Variants in CCL18 observed in about 807,000 individuals in gnomAD.
CCL18 encodes the protein C-C motif chemokine 18.
CCL18 carries 7 observed loss-of-function variants against 8.0 expected under a neutral mutation model. That is an observed-to-expected ratio of 0.87 (90% confidence interval 0.50 to 1.64). The LOEUF is 1.64. Ranked by LOEUF, CCL18 falls within the 40% of genes most tolerant of loss-of-function variation. The probability of loss-of-function intolerance (pLI) is 0.00; values close to 1 mark genes in which losing one functional copy is unlikely to be tolerated. For synonymous variants in CCL18, 35 were observed against 41.3 expected, an observed-to-expected ratio of 0.85 and a Z score of 0.59; for missense variants, 95 against 107.8, an observed-to-expected ratio of 0.88 and a Z score of 0.52.
At chr17:36,070,894 C>T (rs1031968367) in intron 2 of CCL18, 57 bp from the exon 3 acceptor site, 20 of 1,265,550 alleles carry the variant, frequency 1.6e-5, no homozygotes, top group Non-Finnish European at 2.3e-5. Flanking sequence ...GACGCAGGGG[C>T]CACAGGATTC....
intron 2 of CCL18, 116 bp from the exon 3 acceptor site, chr17:36,070,835 A>G: frequency 2.4e-6 from 2 of 835,218 alleles, no homozygotes; most frequent in East Asian, 4.9e-5. Flanking sequence ...AGTTAAGGGG[A>G]AATTTTACGG....
In CCL18 at chr17:36,070,934, T is replaced by A; in HGVS notation, c.180-17T>A. On this transcript the variant is annotated splice_polypyrimidine_tract_variant and intron_variant, in intron 2 of 2. Coordinates refer to ENST00000616054, the MANE Select transcript of CCL18 (RefSeq NM_002988.4). ...GATGAATTCGTCAGTTCTTAACTCT[T>A]CCTCCCTTCTCCACAGCCTCCTAAC... 2 of 1,586,854 alleles carry A rather than the reference T, an allele frequency of 1.3e-6. No individual in the cohort carries two copies.
intron 1 of CCL18, among the ~76,000 whole-genome samples, chr17:36,067,953 A>G (rs1025034570): frequency 6.6e-6 from 1 of 152,206 alleles, no homozygotes; most frequent in Admixed American, 6.5e-5. Flanking sequence ...AGATATGCAA[A>G]TACTTAACAT....
intron 1 of CCL18, among the ~76,000 whole-genome samples, chr17:36,068,329 T>TAA (rs397857006): frequency 6.8e-6 from 1 of 146,910 alleles, no homozygotes; most frequent in Non-Finnish European, 1.5e-5. Flanking sequence ...AACTGTTTTT[T>TAA]AAAAAAAAAA....
intron 1 of CCL18, among the ~76,000 whole-genome samples, chr17:36,066,673 G>T (rs1428955622): frequency 1.3e-5 from 2 of 152,228 alleles, no homozygotes; most frequent in Admixed American, 1.3e-4. Flanking sequence ...TAGTGTTGAA[G>T]TCATACGTAC....
At position 36,071,099 on chromosome 17, in the gene CCL18, C is replaced by T. The variant is rs1439430489; in HGVS notation, c.*58C>T. On this transcript the variant is annotated 3_prime_UTR_variant, in exon 3 of 3. Transcript: ENST00000616054. ...TGGTGGGCCCAGGAGGGAACAGGAGCCTGAGCCAGGGCAATGGCCCTGCCA... is the reference window on the plus strand; with the variant it reads ...TGGTGGGCCCAGGAGGGAACAGGAGTCTGAGCCAGGGCAATGGCCCTGCCA... 3.2e-6 allele frequency: 4 copies of T among 1,269,720 alleles called. No homozygotes were observed. Among genetic ancestry groups the T allele is most frequent in the Middle Eastern group, 1.9e-4 (1 of 5,196 alleles). The allele number at this position is 1,269,720 out of a possible 1,614,324, so 78.7% of individuals were successfully genotyped here. A position where few individuals can be genotyped will look rare whatever the true frequency, so the allele number is the denominator to read the frequency against.
At chr17:36,065,310 T>C (rs1422153782) in intron 1 of CCL18, among the ~76,000 whole-genome samples, 2 of 152,258 alleles carry the variant, frequency 1.3e-5, no homozygotes, top group Non-Finnish European at 2.9e-5. Flanking sequence ...AAAGGAATCC[T>C]CTTAGTATTT....
chr17:36,067,896 T>G (rs1164186824), intron 1 of CCL18, among the ~76,000 whole-genome samples: 1 of 152,220 alleles, frequency 6.6e-6, no homozygotes, highest in East Asian at 1.9e-4. Flanking sequence ...CCCATAAGAT[T>G]ATAATTCTGT....
In CCL18 at chr17:36,071,178, C is replaced by A. The variant is rs2066864734; in HGVS notation, c.*137C>A. ...CATCTGCTATGCCCAGCCACATTAA[C>A]TAACTTTAATCTTAGTTTATGCATC... On this transcript the variant is annotated 3_prime_UTR_variant, in exon 3 of 3. Coordinates refer to ENST00000616054, the MANE Select transcript of CCL18 (RefSeq NM_002988.4). 1.7e-6 allele frequency: 1 copy of A among 591,726 alleles called. No homozygotes were observed. The allele number at this position is 591,726 out of a possible 1,614,324, so 36.7% of individuals were successfully genotyped here. A position where few individuals can be genotyped will look rare whatever the true frequency, so the allele number is the denominator to read the frequency against.
intron 2 of CCL18, 42 bp from the exon 3 acceptor site, chr17:36,070,909 G>C: frequency 7.1e-7 from 1 of 1,410,692 alleles, no homozygotes; most frequent in South Asian, 1.1e-5. Flanking sequence ...GGATTCCCCT[G>C]ATGAATTCGT....
chr17:36,071,506 A>G lies in CCL18; in HGVS notation c.*465A>G, dbSNP rs552429596. 6.5e-6 allele frequency: 1 copy of G among 154,770 alleles called. No individual in the cohort carries two copies. Among genetic ancestry groups the G allele is most frequent in the Non-Finnish European group, 1.4e-5 (1 of 69,570 alleles). The allele number at this position is 154,770 out of a possible 1,614,324, so 9.6% of individuals were successfully genotyped here. A position where few individuals can be genotyped will look rare whatever the true frequency, so the allele number is the denominator to read the frequency against. Reference sequence around the variant, plus strand: ...ACGACTCTGTTGATTTTGTTTCACTAATCGGAATCACAGACTGAGAGGAAT... The same window carrying G: ...ACGACTCTGTTGATTTTGTTTCACTGATCGGAATCACAGACTGAGAGGAAT... On this transcript the variant is annotated 3_prime_UTR_variant, in exon 3 of 3. Coordinates refer to ENST00000616054, the MANE Select transcript of CCL18 (RefSeq NM_002988.4).
At chr17:36,070,904 C>T (rs748011635) in intron 2 of CCL18, 47 bp from the exon 3 acceptor site, 4 of 1,356,654 alleles carry the variant, frequency 2.9e-6, no homozygotes, top group East Asian at 4.6e-5. Context: ...CCACAGGATT[C>T]CCCTGATGAA....
intron 1 of CCL18, among the ~76,000 whole-genome samples, chr17:36,065,375 T>G (rs766112293): frequency 6.6e-6 from 1 of 152,140 alleles, no homozygotes; most frequent in Admixed American, 6.6e-5. Flanking sequence ...TGCTTGGAAA[T>G]GTCTTCATTT....
chr17:36,070,557 A>G lies in CCL18; in HGVS notation c.178A>G (p.Ile60Val). The G allele has an allele frequency of 1.3e-6, 2 of 1,590,700 alleles. No individual in the cohort carries two copies. Among genetic ancestry groups the G allele is most frequent in the Non-Finnish European group, 1.7e-6 (2 of 1,158,600 alleles). The change falls in exon 2 of 3, where the codon ATC becomes GTC. Residue 60 changes from isoleucine (I) to valine (V), a missense_variant and splice_region_variant. By Grantham distance (29) the Ile-to-Val change is conservative (BLOSUM62 3). Transcript: ENST00000616054. ...CCCCCAGTGCCCCAAGCCAGGTGTC[A>G]TGTAAGTGCCAGTGCTCCTGCCCAC... is the stretch of plus-strand genomic sequence containing the variant. ...TSPQCPKPGV[I>V]LLTKRGRQIC...
At chr17:36,070,699 C>T (rs2142053628) in intron 2 of CCL18, 141 bp downstream of exon 2, 1 of 652,684 alleles carries the variant, frequency 1.5e-6, no homozygotes. Context: ...TGTGACCTGG[C>T]CTGGGGCCTG....
chr17:36,068,026 G>A (rs1278214398), intron 1 of CCL18, among the ~76,000 whole-genome samples: 3 of 152,162 alleles, frequency 2.0e-5, no homozygotes, highest in Non-Finnish European at 4.4e-5. Flanking sequence ...TAGCCTAGGA[G>A]CTACAGGCTG....
chr17:36,069,198 G>A (rs2066852656), intron 1 of CCL18, among the ~76,000 whole-genome samples: 1 of 152,142 alleles, frequency 6.6e-6, no homozygotes, highest in Admixed American at 6.5e-5. Context: ...AGCTGGGGAG[G>A]CTATCAGAAG....
In CCL18 at chr17:36,071,077, TGGG is replaced by T; in HGVS notation, c.*37_*39del. ...AGCTGCGAGGGCCCAGTGAACTTGG[TGGG>T]CCCAGGAGGGAACAGGAGCCTGAGC... On this transcript the variant is annotated 3_prime_UTR_variant, in exon 3 of 3. Coordinates refer to ENST00000616054, the MANE Select transcript of CCL18 (RefSeq NM_002988.4). 6.7e-7 allele frequency: 1 copy of T among 1,502,696 alleles called. No individual in the cohort carries two copies. Among genetic ancestry groups the T allele is most frequent in the Non-Finnish European group, 9.3e-7 (1 of 1,080,920 alleles). The allele number at this position is 1,502,696 out of a possible 1,614,324, so 93.1% of individuals were successfully genotyped here.
intron 1 of CCL18, among the ~76,000 whole-genome samples, chr17:36,066,019 C>T (rs1250283523): frequency 1.3e-5 from 2 of 152,136 alleles, no homozygotes; most frequent in African/African-American, 4.8e-5. Context: ...CCAACTAGAC[C>T]CAGAGTTTGC....
Sources: allele counts gnomAD v4.1 joint callset (sites outside exome capture counted in the v4.1 genomes callset), GRCh38; gene constraint gnomAD v4.1.1; transcripts MANE v1.5; gene names NCBI Gene and HGNC (gene_info 2026-07-23, HGNC 2026-07-21).